PRKN: variants seen among roughly 807,000 people sequenced by gnomAD.
PRKN encodes E3 ubiquitin-protein ligase parkin.
Under a neutral mutation model 59.5 loss-of-function variants are expected in PRKN, and 56 were observed. The observed-to-expected ratio is 0.94, with a 90% CI of 0.76 to 1.18. The LOEUF (loss-of-function observed/expected upper bound fraction) is 1.18, where lower values mean the gene tolerates loss of function less well. PRKN is among the 50% of genes most tolerant of loss of function. The pLI is 0.00. For missense variants in PRKN, 657 were observed against 596.4 expected (o/e 1.10, Z -1.06); for synonymous variants, 250 against 222.1 (o/e 1.13, Z -1.12).
At chr6:161,817,009 C>A (rs9458385) in intron 6 of PRKN, among the ~76,000 whole-genome samples, 35,138 of 152,024 alleles carry the variant, frequency 0.23, 4,276 homozygotes, top group Non-Finnish European at 0.28. Context: ...CACACACGCA[C>A]ATGCACACGT....
chr6:161,485,266 C>T (rs1791596662), intron 9 of PRKN, among the ~76,000 whole-genome samples: 1 of 152,098 alleles, frequency 6.6e-6, no homozygotes, highest in Admixed American at 6.5e-5. Context: ...CTTGCATTTC[C>T]TGGTTATACT....
chr6:161,777,990 A>C (rs1283700093), intron 7 of PRKN, among the ~76,000 whole-genome samples: 1 of 151,284 alleles, frequency 6.6e-6, no homozygotes, highest in Non-Finnish European at 1.5e-5. Context: ...TCTGTATTCA[A>C]ATTCTATTAC....
chr6:162,268,878 T>A (rs1179377553), intron 2 of PRKN, among the ~76,000 whole-genome samples: 1 of 152,130 alleles, frequency 6.6e-6, no homozygotes, highest in Non-Finnish European at 1.5e-5. Flanking sequence ...TACGAAGGAA[T>A]GATTCAGAGA....
chr6:162,025,836 G>A (rs1463463614), intron 5 of PRKN, among the ~76,000 whole-genome samples: 5 of 151,664 alleles, frequency 3.3e-5, no homozygotes, highest in African/African-American at 9.7e-5. Flanking sequence ...TGATCCACCC[G>A]CCTCAGCCTC....
In PRKN at chr6:161,564,786, G is replaced by A. The variant is rs566365347; in HGVS notation, c.933+4569C>T. 7.2e-5 allele frequency among the ~76,000 whole-genome samples: 11 copies of A among 152,138 alleles called. No individual in the cohort carries two copies. The East Asian group carries it at 9.7e-4, about 13-fold the overall frequency. ...GTTTGCAATTCTGGAAGATCTCAGC[G>A]TGCACAGGGGTGGTACTCCCAACTC... is the stretch of plus-strand genomic sequence containing the variant. On this transcript the variant is annotated intron_variant, in intron 8 of 11. Transcript: ENST00000366898.
chr6:161,571,573 A>G (rs1780891542), intron 7 of PRKN, among the ~76,000 whole-genome samples: 1 of 152,258 alleles, frequency 6.6e-6, no homozygotes, highest in Admixed American at 6.5e-5. Flanking sequence ...AGAAAATGGA[A>G]TAAACTGCCT....
chr6:161,570,245 T>C (rs1378718809), intron 7 of PRKN, among the ~76,000 whole-genome samples: 1 of 145,584 alleles, frequency 6.9e-6, no homozygotes, highest in African/African-American at 2.5e-5. Flanking sequence ...ATATGAGTTA[T>C]ATATATTTTT....
At chr6:161,493,846 C>T (rs1279377250) in intron 9 of PRKN, among the ~76,000 whole-genome samples, 1 of 152,148 alleles carries the variant, frequency 6.6e-6, no homozygotes, top group African/African-American at 2.4e-5. Flanking sequence ...ACAGTGAAGT[C>T]CTTCAATTAG....
intron 6 of PRKN, among the ~76,000 whole-genome samples, chr6:161,875,805 C>T (rs1427772316): frequency 6.6e-6 from 1 of 152,098 alleles, no homozygotes. Context: ...AAGTGAGACA[C>T]AGGATCTTGA....
At chr6:162,668,790 G>T (rs565529778) in intron 1 of PRKN, among the ~76,000 whole-genome samples, 1 of 152,132 alleles carries the variant, frequency 6.6e-6, no homozygotes, top group Non-Finnish European at 1.5e-5. Context: ...TAGGCCCAGG[G>T]ACATAAAGTA....
intron 7 of PRKN, among the ~76,000 whole-genome samples, chr6:161,598,970 A>G (rs1166395944): frequency 6.6e-6 from 1 of 152,194 alleles, no homozygotes; most frequent in African/African-American, 2.4e-5. Flanking sequence ...TGTCCTTGTA[A>G]GAAGAAAAGA....
chr6:161,556,361 GT>G (rs898292668), intron 8 of PRKN, among the ~76,000 whole-genome samples: 1 of 152,106 alleles, frequency 6.6e-6, no homozygotes, highest in Non-Finnish European at 1.5e-5. Flanking sequence ...AATTAACATT[GT>G]GATATTTATA....
At chr6:161,441,476 A>G (rs943219048) in intron 9 of PRKN, among the ~76,000 whole-genome samples, 1 of 151,512 alleles carries the variant, frequency 6.6e-6, no homozygotes, top group Non-Finnish European at 1.5e-5. Context: ...GAAACCCCGT[A>G]TCTACTAAAA....
chr6:161,874,126 ATATATAT>A (rs1794492505), intron 6 of PRKN, among the ~76,000 whole-genome samples: 2 of 62,444 alleles, frequency 3.2e-5, no homozygotes, highest in African/African-American at 1.5e-4. Flanking sequence ...ATAATATATA[ATATATAT>A]TATATGTAAA....
rs960429 is a variant in PRKN at position 161,498,480 on chromosome 6, A to G, written c.1083+50374T>C. On this transcript the variant is annotated intron_variant, in intron 9 of 11. Transcript: ENST00000366898. The surrounding 1 kb of genome is among the most constrained non-coding windows in gnomAD (Gnocchi z 4.2). ...GGTCTTCAGCTCCCTTCTCCCTGAG[A>G]GCTTGTGGGAAGGGTGTGCTGTCCT... is the stretch of plus-strand genomic sequence containing the variant. Among the ~76,000 whole-genome samples, 12,309 of 152,138 alleles carry G rather than the reference A, an allele frequency of 0.081. 727 individuals carry two copies. Among genetic ancestry groups the G allele is most frequent in the African/African-American group, 0.16 (6,670 of 41,510 alleles).
intron 1 of PRKN, among the ~76,000 whole-genome samples, chr6:162,515,159 TGCAACCTCCACCTCCCAG>T (rs1777793068): frequency 6.6e-6 from 1 of 151,630 alleles, no homozygotes; most frequent in Non-Finnish European, 1.5e-5. Context: ...CTCGGATCAC[TGCAACCTCCACCTCCCAG>T]GTTAAAGTGA....
chr6:161,979,956 T>C (rs545103029), intron 5 of PRKN, among the ~76,000 whole-genome samples: 3 of 152,172 alleles, frequency 2.0e-5, no homozygotes, highest in Non-Finnish European at 4.4e-5. Context: ...GAAAATTAGA[T>C]TGACACCAAG....
chr6:162,073,790 C>G (rs1015830319), intron 4 of PRKN, among the ~76,000 whole-genome samples: 1 of 152,194 alleles, frequency 6.6e-6, no homozygotes, highest in Non-Finnish European at 1.5e-5. Context: ...AGATAATTCA[C>G]TTCCAATACA....
rs952680771 is a variant in PRKN at position 161,359,951 on chromosome 6, G to A, written c.1285+137C>T. On this transcript the variant is annotated intron_variant, in intron 11 of 11. Transcript: ENST00000366898. This position sits in a 1 kb window ranked among gnomAD's most constrained non-coding sequence, Gnocchi z 5.4. The stretch of plus-strand genomic sequence containing the variant: ...AAAACAATAATAATAGTGATAATGG[G>A]TAACATTAATCGAGGGGTTACCCAA... 1 of 746,194 alleles carries A rather than the reference G, an allele frequency of 1.3e-6. No homozygotes were observed. The highest frequency in any genetic ancestry group is 1.7e-5 in the African/African-American group (1 of 57,758). The allele number at this position is 746,194 out of a possible 1,614,324, so 46.2% of individuals were successfully genotyped here. A position where few individuals can be genotyped will look rare whatever the true frequency, so the allele number is the denominator to read the frequency against.
Sources: allele counts gnomAD v4.1 joint callset (sites outside exome capture counted in the v4.1 genomes callset), GRCh38; gene constraint gnomAD v4.1.1; non-coding constraint Gnocchi (gnomAD v3.1); transcripts MANE v1.5; gene names NCBI Gene and HGNC (gene_info 2026-07-23, HGNC 2026-07-21).